STXBP6: variants seen among roughly 807,000 people sequenced by gnomAD.
STXBP6 encodes the protein syntaxin-binding protein 6.
In STXBP6, 21 loss-of-function variants were observed where a neutral mutation model predicts 26.9. That is an observed-to-expected ratio of 0.78 (90% CI 0.55 to 1.12). The LOEUF is 1.12. Among genes scored for constraint, STXBP6 ranks in the 50% most tolerant of loss-of-function variants. The pLI, the probability that STXBP6 is intolerant of heterozygous loss-of-function variation, is 0.00. For synonymous variants in STXBP6, 97 were observed against 92.6 expected (o/e 1.05, Z -0.27); for missense variants, 232 against 257.9 (o/e 0.90, Z 0.69).
chr14:24,819,579 A>C (rs1463281759), intron 4 of STXBP6: 1 of 454,420 alleles, frequency 2.2e-6, no homozygotes, highest in East Asian at 3.4e-5. Flanking sequence ...TCAATGAGAC[A>C]TATCTGGATC....
intron 1 of STXBP6, among the ~76,000 whole-genome samples, chr14:25,048,800 A>C (rs2075762697): frequency 6.6e-6 from 1 of 152,122 alleles, no homozygotes; most frequent in South Asian, 2.1e-4. Flanking sequence ...GCAAAACCCC[A>C]AAACTCAAAA....
At chr14:24,899,742 C>A (rs978447395) in intron 2 of STXBP6, among the ~76,000 whole-genome samples, 1 of 143,318 alleles carries the variant, frequency 7.0e-6, no homozygotes, top group African/African-American at 2.6e-5. Flanking sequence ...GATCGTGCCA[C>A]CGCACTCTAG....
chr14:25,022,981 G>T (rs957845621), intron 1 of STXBP6, among the ~76,000 whole-genome samples: 3 of 152,142 alleles, frequency 2.0e-5, no homozygotes, highest in Admixed American at 1.3e-4. Flanking sequence ...GGGGATACTT[G>T]TTACTTTAGC....
intron 2 of STXBP6, among the ~76,000 whole-genome samples, chr14:24,878,219 C>CT (rs1320597208): frequency 2.6e-5 from 4 of 151,838 alleles, no homozygotes; most frequent in East Asian, 1.9e-4. Context: ...TTTTGTTATG[C>CT]TTTTTTTAAA....
rs551862698 is a variant in STXBP6 at position 24,835,896 on chromosome 14, T to A, written c.452-16702A>T. On this transcript the variant is annotated intron_variant, in intron 4 of 5. Transcript: ENST00000323944. The stretch of plus-strand genomic sequence containing the variant: ...ACCCATTTTCTACTTCCCTTCATAT[T>A]AAAAATGTATCTATGGGTAAACCAA... Among the ~76,000 whole-genome samples the A allele has an allele frequency of 1.6e-4, 25 of 152,330 alleles. No individual in the cohort carries two copies. In the South Asian group the frequency reaches 5.0e-3, roughly 30 times the overall value.
chr14:24,907,955 CTAAGGAACCCCAAATCTGTA>C (rs1287009471), intron 2 of STXBP6, among the ~76,000 whole-genome samples: 19 of 152,100 alleles, frequency 1.2e-4, no homozygotes, highest in Admixed American at 1.2e-3. Flanking sequence ...CACTTCAAAG[CTAAGGAACCCCAAATCTGTA>C]TCTCACGCCC....
At chr14:24,974,637 A>G (rs984312935) in intron 2 of STXBP6, 28 bp downstream of exon 2, 25 of 1,520,886 alleles carry the variant, frequency 1.6e-5, no homozygotes, top group African/African-American at 5.6e-5. Flanking sequence ...AAGTTATTTT[A>G]ATAATATTAA....
intron 2 of STXBP6, among the ~76,000 whole-genome samples, chr14:24,955,534 G>A (rs1664994284): frequency 6.6e-6 from 1 of 152,138 alleles, no homozygotes; most frequent in Admixed American, 6.6e-5. Flanking sequence ...CCAACATAAG[G>A]GCTCTAGGCA....
At chr14:24,919,491 G>A (rs961385843) in intron 2 of STXBP6, among the ~76,000 whole-genome samples, 50 of 148,192 alleles carry the variant, frequency 3.4e-4, no homozygotes, top group African/African-American at 1.2e-3. Flanking sequence ...CATCCCTTTA[G>A]AGAAGAACTA....
At chr14:25,005,472 G>A (rs533279009) in intron 1 of STXBP6, among the ~76,000 whole-genome samples, 3 of 152,270 alleles carry the variant, frequency 2.0e-5, no homozygotes, top group Non-Finnish European at 2.9e-5. Context: ...CAAAAACCAC[G>A]ATGGGTCACC....
chr14:24,975,976 T>A (rs2074034312), intron 1 of STXBP6, among the ~76,000 whole-genome samples: 1 of 151,966 alleles, frequency 6.6e-6, no homozygotes, highest in Non-Finnish European at 1.5e-5. Flanking sequence ...ACATGCAGAG[T>A]ATCAGAGATC....
chr14:24,996,197 C>T (rs2074597432), intron 1 of STXBP6, among the ~76,000 whole-genome samples: 1 of 152,182 alleles, frequency 6.6e-6, no homozygotes, highest in Non-Finnish European at 1.5e-5. Context: ...ACCTTCCATA[C>T]ATTAAATGTA....
chr14:25,045,058 T>C (rs2075704572), intron 1 of STXBP6, among the ~76,000 whole-genome samples: 1 of 152,318 alleles, frequency 6.6e-6, no homozygotes, highest in African/African-American at 2.4e-5. Flanking sequence ...TTAATGAATG[T>C]CCCTATATTT....
chr14:25,017,185 T>C (rs1164370403), intron 1 of STXBP6, among the ~76,000 whole-genome samples: 1 of 152,176 alleles, frequency 6.6e-6, no homozygotes, highest in Non-Finnish European at 1.5e-5. Flanking sequence ...TGCTAGTTGG[T>C]AGGGTATAAA....
intron 2 of STXBP6, among the ~76,000 whole-genome samples, chr14:24,955,839 A>G (rs767174648): frequency 3.3e-5 from 5 of 152,216 alleles, no homozygotes; most frequent in Non-Finnish European, 5.9e-5. Flanking sequence ...CCAGGAAATA[A>G]GTAAGCCAGG....
chr14:25,039,071 T>C (rs2075600158), intron 1 of STXBP6, among the ~76,000 whole-genome samples: 1 of 152,202 alleles, frequency 6.6e-6, no homozygotes, highest in African/African-American at 2.4e-5. Context: ...TTAACTAGCT[T>C]GATTTAGTCA....
At chr14:24,892,322 G>A (rs116214646) in intron 2 of STXBP6, among the ~76,000 whole-genome samples, 2,932 of 152,040 alleles carry the variant, frequency 0.019, 90 homozygotes, top group African/African-American at 0.066. Context: ...TATTCTAGGT[G>A]CAAATTCTGA....
At chr14:24,822,849 T>A (rs137989902) in intron 4 of STXBP6, among the ~76,000 whole-genome samples, 3 of 152,356 alleles carry the variant, frequency 2.0e-5, no homozygotes, top group East Asian at 3.9e-4. Context: ...TAGCACAGCA[T>A]GTTGCTCAGA....
chr14:25,001,647 T>C (rs1296498040), intron 1 of STXBP6, among the ~76,000 whole-genome samples: 2 of 152,264 alleles, frequency 1.3e-5, no homozygotes, highest in Non-Finnish European at 2.9e-5. Flanking sequence ...TTTTTTCCAT[T>C]AGAACCCTTA....
Sources: gnomAD v4.1 joint callset for allele counts (sites outside exome capture counted in the v4.1 genomes callset) on GRCh38, gnomAD v4.1.1 for gene constraint, MANE v1.5 for transcripts, NCBI Gene and HGNC (gene_info 2026-07-23, HGNC 2026-07-21) for gene names.